The following EZH2 variants were observed in gnomAD, a reference collection of about 807,000 sequenced individuals.
The protein encoded by EZH2 is histone-lysine N-methyltransferase EZH2.
Under a neutral mutation model 98.4 loss-of-function variants are expected in EZH2, and 18 were observed. The ratio of observed to expected loss-of-function variants is 0.18; its 90% CI spans 0.13 to 0.27. The LOEUF (loss-of-function observed/expected upper bound fraction) is 0.27. Ranked by LOEUF, EZH2 falls within the 10% of genes least tolerant of loss-of-function variation. EZH2 has a pLI of 1.00. For synonymous variants in EZH2, 338 were observed against 312.3 expected, an observed-to-expected ratio of 1.08 and a Z score of -0.87; for missense variants, 470 against 935.1, an observed-to-expected ratio of 0.50 and a Z score of 6.49.
chr7:148,816,610 C>T (rs893324673), intron 12 of EZH2, 74 bp downstream of exon 12: 4 of 1,083,090 alleles, frequency 3.7e-6, no homozygotes, highest in African/African-American at 1.6e-5. Context: ...AAACCAACAA[C>T]AGCCCTTAGG....
intron 1 of EZH2, among the ~76,000 whole-genome samples, chr7:148,866,380 T>C (rs1193103679): frequency 2.0e-5 from 3 of 151,186 alleles, no homozygotes; most frequent in African/African-American, 7.3e-5. Context: ...ACTGAGGGAG[T>C]TATTCCCAGC....
intron 10 of EZH2, 188 bp downstream of exon 10, chr7:148,817,689 A>C: frequency 1.2e-6 from 1 of 807,952 alleles, no homozygotes; most frequent in Non-Finnish European, 2.0e-6. Flanking sequence ...AGCAGGGCAA[A>C]CACCACAAGC....
intron 1 of EZH2, among the ~76,000 whole-genome samples, chr7:148,868,290 T>A (rs980038709): frequency 9.2e-5 from 14 of 152,166 alleles, no homozygotes; most frequent in Admixed American, 9.2e-4. Context: ...TTAATTTGCT[T>A]ACAGTTCAGC....
At chr7:148,811,603 A>G (rs1563194897) in intron 16 of EZH2, 22 bp downstream of exon 16, 1 of 1,589,562 alleles carries the variant, frequency 6.3e-7, no homozygotes, top group South Asian at 1.1e-5. Flanking sequence ...TGCCACCTGA[A>G]TACAGGTTAT....
intron 1 of EZH2, among the ~76,000 whole-genome samples, chr7:148,871,660 G>A (rs889656411): frequency 6.0e-5 from 9 of 149,614 alleles, no homozygotes; most frequent in Non-Finnish European, 7.4e-5. Context: ...CTGCAGCCTC[G>A]ACCTCCCAGG....
intron 10 of EZH2, chr7:148,817,595 A>T: frequency 1.5e-6 from 1 of 661,836 alleles, no homozygotes. Context: ...TCCAAATTTC[A>T]TTATTCCCTA....
intron 5 of EZH2, 116 bp from the exon 6 acceptor site, chr7:148,828,996 A>C (rs1292396726): frequency 5.9e-6 from 6 of 1,014,368 alleles, no homozygotes; most frequent in Non-Finnish European, 7.2e-6. Flanking sequence ...CTAAAACATT[A>C]TTATTGAAAT....
intron 1 of EZH2, among the ~76,000 whole-genome samples, chr7:148,857,991 T>TAA (rs573926320): frequency 1.6e-4 from 23 of 144,728 alleles, no homozygotes; most frequent in African/African-American, 5.3e-4. Flanking sequence ...AACATAGGAT[T>TAA]AAAAAAAAAA....
intron 1 of EZH2, among the ~76,000 whole-genome samples, chr7:148,853,142 G>A (rs1260913389): frequency 6.6e-6 from 1 of 152,142 alleles, no homozygotes; most frequent in Non-Finnish European, 1.5e-5. Flanking sequence ...AGGATGGCCA[G>A]GCATGGTGGC....
chr7:148,840,569 T>C (rs1812165248), intron 3 of EZH2, among the ~76,000 whole-genome samples: 3 of 152,206 alleles, frequency 2.0e-5, no homozygotes, highest in African/African-American at 7.2e-5. Context: ...CATTTTACAA[T>C]GATCTGTTCA....
chr7:148,843,169 T>C (rs1412733758), intron 3 of EZH2, among the ~76,000 whole-genome samples: 3 of 147,758 alleles, frequency 2.0e-5, no homozygotes, highest in South Asian at 2.2e-4. Context: ...GACTGCACCA[T>C]TGCACTCCAG....
intron 8 of EZH2, among the ~76,000 whole-genome samples, chr7:148,820,732 C>T (rs533142935): frequency 6.6e-6 from 1 of 152,162 alleles, no homozygotes; most frequent in African/African-American, 2.4e-5. Context: ...GTTAAACTAA[C>T]ATTGTAGCTG....
chr7:148,807,763 G>GACTT (rs369026379), intron 19 of EZH2, 57 bp from the exon 20 acceptor site: 9 of 1,018,218 alleles, frequency 8.8e-6, no homozygotes, highest in East Asian at 2.9e-5. Flanking sequence ...CATGTGCTGA[G>GACTT]ACTTAACACA....
chr7:148,819,072 A>G (rs1446226370), intron 9 of EZH2: 3 of 456,592 alleles, frequency 6.6e-6, no homozygotes, highest in South Asian at 4.6e-5. Flanking sequence ...TGGTTCAAAG[A>G]GGGGAAATGG....
intron 1 of EZH2, among the ~76,000 whole-genome samples, chr7:148,855,897 C>CAAAAAA (rs34692092): frequency 6.8e-4 from 28 of 40,946 alleles, no homozygotes; most frequent in East Asian, 3.8e-3. Context: ...GACTCCATCT[C>CAAAAAA]AAAAAAAAAA....
chr7:148,876,857 A>C (rs375885237), intron 1 of EZH2, among the ~76,000 whole-genome samples: 1 of 152,178 alleles, frequency 6.6e-6, no homozygotes, highest in Non-Finnish European at 1.5e-5. Context: ...TAAAAGTGTT[A>C]ACGTTTCCAG....
At chr7:148,877,096 TA>T (rs1042052112) in intron 1 of EZH2, among the ~76,000 whole-genome samples, 1 of 151,738 alleles carries the variant, frequency 6.6e-6, no homozygotes, top group African/African-American at 2.4e-5. Flanking sequence ...GTATTGACCT[TA>T]AAAAAAAGCC....
In EZH2 at chr7:148,832,654, G is replaced by A; in HGVS notation, c.343C>T (p.Pro115Ser). 1.9e-6 allele frequency: 3 copies of A among 1,595,058 alleles called. No individual in the cohort carries two copies. The highest frequency in any genetic ancestry group is 1.7e-5 in the Admixed American group (1 of 59,418). ...ASVPIMYSWS[P>S]LQQNFMVEDE... is the part of the protein sequence containing the mutation. The stretch of plus-strand genomic sequence containing the variant: ...CATACCATAAAATTCTGCTGTAGGG[G>A]AGACCAAGAATACATTATGGGTACT... The change falls in exon 4 of 20, where the codon CCC becomes TCC. Residue 115 changes from proline to serine, a missense_variant. By Grantham distance (74) the Pro-to-Ser change is moderately conservative. This residue lies in a region of EZH2 where 21 missense variants were observed against 84.2 expected (regional missense o/e 0.25). Transcript: ENST00000320356.
intron 1 of EZH2, among the ~76,000 whole-genome samples, chr7:148,865,153 A>G (rs1415323711): frequency 6.6e-6 from 1 of 151,942 alleles, no homozygotes; most frequent in East Asian, 1.9e-4. Context: ...AGTACCAGAA[A>G]CTAAAGCTAT....
Sources: allele counts gnomAD v4.1 joint callset (sites outside exome capture counted in the v4.1 genomes callset), GRCh38; gene constraint gnomAD v4.1.1; regional missense constraint gnomAD v4.1.1; transcripts MANE v1.5; gene names NCBI Gene and HGNC (gene_info 2026-07-23, HGNC 2026-07-21).